Variants in PLS3 observed in about 807,000 individuals in gnomAD.
The protein encoded by PLS3 is plastin-3.
Under a neutral mutation model 46.5 loss-of-function variants are expected in PLS3, and 11 were observed. That is an observed-to-expected ratio of 0.24 (90% CI 0.15 to 0.39). The LOEUF (loss-of-function observed/expected upper bound fraction) is 0.39. PLS3 is among the 10% of genes least tolerant of loss of function. PLS3 has a pLI of 1.00. For missense variants in PLS3, 308 were observed against 461.8 expected (o/e 0.67, Z 3.05); for synonymous variants, 167 against 162.2 (o/e 1.03, Z -0.22).
At chrX:115,561,865 C>T (rs2074138399) in intron 1 of PLS3, among the ~76,000 whole-genome samples, 1 of 111,621 alleles carries the variant, frequency 9.0e-6, no homozygotes, top group African/African-American at 3.3e-5. Flanking sequence ...CTTCTGCCTG[C>T]TTCCCTCCCT....
chrX:115,610,426 G>A, intron 2 of PLS3, 103 bp downstream of exon 2: 1 of 396,334 alleles, frequency 2.5e-6, no homozygotes, highest in Non-Finnish European at 4.4e-6. Flanking sequence ...AAACATTAGG[G>A]CAAGATAGTT....
intron 1 of PLS3, among the ~76,000 whole-genome samples, chrX:115,568,109 A>G (rs782483977): frequency 3.6e-4 from 40 of 110,994 alleles, no homozygotes; most frequent in African/African-American, 1.3e-3. Context: ...CATTTTTGCC[A>G]TTTCTTGTTG....
chrX:115,635,107 C>T lies in PLS3; in HGVS notation c.748+61C>T. On this transcript the variant is annotated intron_variant, in intron 7 of 15. Coordinates refer to ENST00000355899, the MANE Select transcript of PLS3 (RefSeq NM_005032.7). The stretch of plus-strand genomic sequence containing the variant: ...GGTTATTTTTTTCTAGTCATGCAGA[C>T]TTTCGTGCTCTCACTTAATGGAGGT... 13 of 972,524 alleles carry T rather than the reference C, an allele frequency of 1.3e-5. No individual in the cohort carries two copies. The South Asian group carries it at 2.6e-4, about 20-fold the overall frequency. 80.1% of individuals were successfully genotyped at this position (972,524 alleles called of 1,213,427 possible).
intron 1 of PLS3, among the ~76,000 whole-genome samples, chrX:115,600,292 ATT>A (rs781937984): frequency 1.0e-4 from 10 of 99,385 alleles, no homozygotes; most frequent in Admixed American, 1.1e-4. Flanking sequence ...GGCTGATTTA[ATT>A]TTTTTTTTTT....
chrX:115,573,657 G>A (rs2074230551), intron 1 of PLS3, among the ~76,000 whole-genome samples: 1 of 111,797 alleles, frequency 8.9e-6, no homozygotes, highest in South Asian at 3.8e-4. Flanking sequence ...GCAACTACAG[G>A]TATAGCTGAC....
intron 1 of PLS3, among the ~76,000 whole-genome samples, chrX:115,592,114 T>A: frequency 8.9e-6 from 1 of 111,930 alleles, no homozygotes; most frequent in Middle Eastern, 4.6e-3. Flanking sequence ...GTGAGTCACC[T>A]CCTTATGCTG....
At chrX:115,627,506 C>T (rs1569528382) in intron 3 of PLS3, among the ~76,000 whole-genome samples, 4 of 111,053 alleles carry the variant, frequency 3.6e-5, no homozygotes, top group East Asian at 5.6e-4. Context: ...AGAGCAGCTG[C>T]GTTGTTATCA....
At chrX:115,578,691 C>CAAAAAAAAAAAAA (rs373605509) in intron 1 of PLS3, among the ~76,000 whole-genome samples, 2 of 26,962 alleles carry the variant, frequency 7.4e-5, no homozygotes, top group African/African-American at 1.3e-4. Flanking sequence ...CGCCACTGCA[C>CAAAAAAAAAAAAA]AAAAAAAAAA....
intron 2 of PLS3, among the ~76,000 whole-genome samples, chrX:115,615,666 T>TA (rs1212249171): frequency 6.4e-5 from 7 of 108,907 alleles, no homozygotes; most frequent in Admixed American, 9.8e-5. Context: ...TTTCTTCTTT[T>TA]AAAAAAAAAC....
intron 12 of PLS3, 71 bp from the exon 13 acceptor site, chrX:115,646,331 C>A: frequency 1.9e-6 from 2 of 1,071,024 alleles, no homozygotes; most frequent in Non-Finnish European, 2.6e-6. Flanking sequence ...TAGCATTATA[C>A]AAGACACACA....
intron 2 of PLS3, among the ~76,000 whole-genome samples, chrX:115,620,166 G>A (rs2074634627): frequency 9.0e-6 from 1 of 110,850 alleles, no homozygotes; most frequent in Admixed American, 9.7e-5. Flanking sequence ...TGTATTCCAT[G>A]GAATACATTG....
chrX:115,614,560 A>G (rs2074579098), intron 2 of PLS3: 1 of 750,274 alleles, frequency 1.3e-6, no homozygotes. Context: ...AGCAAACCCC[A>G]TGTTTAGCTA....
chrX:115,581,306 T>C lies in PLS3; in HGVS notation c.-9+20046T>C, dbSNP rs377757407. On this transcript the variant is annotated intron_variant, in intron 1 of 15. Coordinates refer to ENST00000355899, the MANE Select transcript of PLS3 (RefSeq NM_005032.7). ...CAAAATGGAATATGCTACTAAATAG[T>C]TGAAATTTAGGGTAATGGAGTTTGG... 1.7e-4 allele frequency among the ~76,000 whole-genome samples: 19 copies of C among 111,738 alleles called. No individual in the cohort carries two copies. In the South Asian group the frequency reaches 3.7e-3, roughly 22 times the overall value.
At chrX:115,563,678 C>G (rs1251041173) in intron 1 of PLS3, among the ~76,000 whole-genome samples, 1 of 112,082 alleles carries the variant, frequency 8.9e-6, no homozygotes, top group Non-Finnish European at 1.9e-5. Flanking sequence ...CCTGCAGCAG[C>G]CTCTGAATGA....
At chrX:115,583,148 G>A (rs2074288596) in intron 1 of PLS3, among the ~76,000 whole-genome samples, 1 of 112,692 alleles carries the variant, frequency 8.9e-6, no homozygotes, top group South Asian at 3.6e-4. Context: ...TAGTGGAATA[G>A]ATGAATTACA....
intron 13 of PLS3, among the ~76,000 whole-genome samples, chrX:115,647,265 C>G (rs905452806): frequency 3.1e-4 from 32 of 104,533 alleles, no homozygotes; most frequent in African/African-American, 1.2e-3. Context: ...AACCCTGTCC[C>G]TACTAAAAAT....
chrX:115,579,242 A>G (rs1339730939), intron 1 of PLS3, among the ~76,000 whole-genome samples: 1 of 112,143 alleles, frequency 8.9e-6, no homozygotes, highest in Non-Finnish European at 1.9e-5. Flanking sequence ...GTGTATGTCA[A>G]TACCTCGTTC....
At chrX:115,642,136 C>A (rs2074904608) in intron 9 of PLS3, among the ~76,000 whole-genome samples, 2 of 107,423 alleles carry the variant, frequency 1.9e-5, no homozygotes, top group African/African-American at 6.8e-5. Flanking sequence ...GCCTCGGCCT[C>A]CCAAAGTGCT....
chrX:115,643,165 T>C lies in PLS3; in HGVS notation c.988-148T>C, dbSNP rs868921063. On this transcript the variant is annotated intron_variant, in intron 9 of 15. Coordinates refer to ENST00000355899, the MANE Select transcript of PLS3 (RefSeq NM_005032.7). ...TACTGCATCTCCAAGAGGGCCAACC[T>C]TTTTTTTTGCATTCAAAACAATTTT... is the stretch of plus-strand genomic sequence containing the variant. 11 of 370,237 alleles carry C rather than the reference T, an allele frequency of 3.0e-5. No individual in the cohort carries two copies. The East Asian group carries it at 4.8e-4, about 16-fold the overall frequency. The allele number at this position is 370,237 out of a possible 1,213,427, so 30.5% of individuals were successfully genotyped here. A position where few individuals can be genotyped will look rare whatever the true frequency, so the allele number is the denominator to read the frequency against.
Sources: allele counts gnomAD v4.1 joint callset (sites outside exome capture counted in the v4.1 genomes callset), GRCh38; gene constraint gnomAD v4.1.1; transcripts MANE v1.5; gene names NCBI Gene and HGNC (gene_info 2026-07-23, HGNC 2026-07-21).